Variants in RERE observed in about 807,000 individuals in gnomAD.
RERE encodes arginine-glutamic acid dipeptide repeats protein.
A neutral mutation model predicts 146.1 loss-of-function variants in RERE; 40 were observed. The observed-to-expected ratio is 0.27, with a 90% confidence interval of 0.21 to 0.36. The LOEUF is 0.36. Ranked by LOEUF, RERE falls within the 10% of genes least tolerant of loss-of-function variation. RERE has a pLI of 1.00. For synonymous variants in RERE, 1,003 were observed against 866.0 expected, an observed-to-expected ratio of 1.16 and a Z score of -2.78; for missense variants, 1,933 against 2,138.7, an observed-to-expected ratio of 0.90 and a Z score of 1.90.
At chr1:8,424,232 C>T (rs903683972) in intron 11 of RERE, 8 of 152,176 alleles carry the variant, frequency 5.3e-5, no homozygotes, top group Non-Finnish European at 1.0e-4. Context: ...GCGGCCCAGG[C>T]ATTAGCCTGC....
At chr1:8,564,117 A>G (rs1028595969) in intron 4 of RERE, among the ~76,000 whole-genome samples, 5 of 152,222 alleles carry the variant, frequency 3.3e-5, no homozygotes, top group African/African-American at 1.2e-4. Flanking sequence ...CCTTGGGGAC[A>G]CAGTCATAAT....
At chr1:8,686,442 A>T (rs183546970) in intron 1 of RERE, among the ~76,000 whole-genome samples, 1 of 152,322 alleles carries the variant, frequency 6.6e-6, no homozygotes, top group African/African-American at 2.4e-5. Flanking sequence ...AAGAAACAAG[A>T]CAATAAGCAA....
intron 11 of RERE, among the ~76,000 whole-genome samples, chr1:8,441,165 C>T (rs1644242865): frequency 6.6e-6 from 1 of 152,162 alleles, no homozygotes; most frequent in African/African-American, 2.4e-5. Context: ...ACACCACTAG[C>T]CCAGCTCCTA....
Position 8,566,395 on chromosome 1 carries a change from G to T in RERE, c.523-8872C>A, listed in dbSNP as rs1350340069. 2.0e-5 allele frequency among the ~76,000 whole-genome samples: 3 copies of T among 152,120 alleles called. No homozygotes were observed. In the East Asian group the frequency reaches 5.8e-4, roughly 29 times the overall value. On this transcript the variant is annotated intron_variant, in intron 4 of 22. Coordinates refer to ENST00000400908, the MANE Select transcript of RERE (RefSeq NM_001042681.2). ...CCAGCACTTTGGGAGGCCAAGGCAG[G>T]TGGATCACAAGTTCAGGAGTTCAAG...
chr1:8,572,125 T>C (rs550621078), intron 4 of RERE, among the ~76,000 whole-genome samples: 9 of 152,340 alleles, frequency 5.9e-5, no homozygotes, highest in Admixed American at 4.6e-4. Context: ...ATCTTAATTA[T>C]TGAGGTATAA....
intron 12 of RERE, among the ~76,000 whole-genome samples, chr1:8,403,395 T>A (rs942434574): frequency 1.3e-5 from 2 of 152,078 alleles, no homozygotes; most frequent in African/African-American, 4.8e-5. Flanking sequence ...GTCCTTCTTT[T>A]TTACAAGATC....
At chr1:8,711,972 T>C (rs1639676545) in intron 1 of RERE, among the ~76,000 whole-genome samples, 1 of 152,214 alleles carries the variant, frequency 6.6e-6, no homozygotes, top group African/African-American at 2.4e-5. Context: ...AAAAAATACA[T>C]ACATTTAAAT....
intron 2 of RERE, among the ~76,000 whole-genome samples, chr1:8,626,374 C>T (rs1284725997): frequency 6.6e-6 from 1 of 152,154 alleles, no homozygotes; most frequent in Non-Finnish European, 1.5e-5. Context: ...TTGCTTCCTA[C>T]ATACCACATT....
At chr1:8,385,994 ATATATATAT>A (rs1450978189) in intron 12 of RERE, among the ~76,000 whole-genome samples, 11 of 22,186 alleles carry the variant, frequency 5.0e-4, no homozygotes, top group Admixed American at 9.4e-4. Flanking sequence ...AAAAAAAAAA[ATATATATAT>A]ATATATATAT....
intron 19 of RERE, 110 bp downstream of exon 19, chr1:8,359,654 G>A: frequency 1.6e-6 from 2 of 1,220,420 alleles, no homozygotes. Flanking sequence ...CCCTCTAGCT[G>A]CCAGGAGGCC....
At chr1:8,793,028 G>A (rs1292191081) in intron 1 of RERE, among the ~76,000 whole-genome samples, 2 of 151,824 alleles carry the variant, frequency 1.3e-5, no homozygotes, top group African/African-American at 2.4e-5. Context: ...ATGGTGGCGG[G>A]CGCCTGTAAT....
intron 1 of RERE, among the ~76,000 whole-genome samples, chr1:8,774,908 A>G (rs960481394): frequency 2.0e-5 from 3 of 149,720 alleles, no homozygotes; most frequent in Non-Finnish European, 4.4e-5. Context: ...ATCATGTGAA[A>G]AGCCCCATAT....
At chr1:8,357,564 C>G (rs1641346294) in intron 20 of RERE, among the ~76,000 whole-genome samples, 1 of 152,344 alleles carries the variant, frequency 6.6e-6, no homozygotes, top group South Asian at 2.1e-4. Context: ...CTCGTAAGCA[C>G]AGTAGCCACC....
intron 4 of RERE, among the ~76,000 whole-genome samples, chr1:8,561,503 C>G (rs1051443627): frequency 6.6e-6 from 1 of 152,098 alleles, no homozygotes; most frequent in Non-Finnish European, 1.5e-5. Flanking sequence ...AGTGGAGTCC[C>G]CCAACCCTAT....
intron 11 of RERE, among the ~76,000 whole-genome samples, chr1:8,449,261 C>T (rs1644362913): frequency 6.6e-6 from 1 of 152,148 alleles, no homozygotes; most frequent in Non-Finnish European, 1.5e-5. Flanking sequence ...GTTTTAGGCC[C>T]TCCAGCCTGT....
At chr1:8,803,605 A>T (rs55939938) in intron 1 of RERE, among the ~76,000 whole-genome samples, 36,787 of 152,080 alleles carry the variant, frequency 0.24, 4,577 homozygotes, top group Middle Eastern at 0.28. Context: ...TTTTTGAGAC[A>T]GAGTCTCACT....
At chr1:8,610,784 G>A (rs750605032) in intron 4 of RERE, among the ~76,000 whole-genome samples, 3 of 151,452 alleles carry the variant, frequency 2.0e-5, no homozygotes, top group Non-Finnish European at 4.4e-5. Flanking sequence ...CATACTACAA[G>A]TGAGAAAACT....
intron 1 of RERE, among the ~76,000 whole-genome samples, chr1:8,810,070 A>G (rs1641775357): frequency 6.6e-6 from 1 of 151,732 alleles, no homozygotes; most frequent in Non-Finnish European, 1.5e-5. Flanking sequence ...CAGTGGAGCG[A>G]TCTCAGCTCA....
intron 1 of RERE, among the ~76,000 whole-genome samples, chr1:8,677,349 C>G (rs972341869): frequency 6.6e-6 from 1 of 150,802 alleles, no homozygotes; most frequent in Non-Finnish European, 1.5e-5. Context: ...CTGCTTAAAC[C>G]CGGGAGGCAG....
Sources: allele counts gnomAD v4.1 joint callset (sites outside exome capture counted in the v4.1 genomes callset), GRCh38; gene constraint gnomAD v4.1.1; transcripts MANE v1.5; gene names NCBI Gene and HGNC (gene_info 2026-07-23, HGNC 2026-07-21).